PRTG: variants seen among roughly 807,000 people sequenced by gnomAD.
The protein encoded by PRTG is immunoglobulin superfamily, DCC subclass, member 5.
Under a neutral mutation model 122.5 loss-of-function variants are expected in PRTG, and 67 were observed. The ratio of observed to expected loss-of-function variants is 0.55; its 90% CI spans 0.45 to 0.67. The LOEUF is 0.67. Ranked by LOEUF, PRTG falls within the 30% of genes least tolerant of loss-of-function variation. The probability of loss-of-function intolerance (pLI) is 0.00; values close to 1 mark genes in which losing one functional copy is unlikely to be tolerated. For missense variants in PRTG, 1,435 were observed against 1,415.4 expected, an observed-to-expected ratio of 1.01 and a Z score of -0.22; for synonymous variants, 554 against 501.1, an observed-to-expected ratio of 1.11 and a Z score of -1.41.
intron 2 of PRTG, among the ~76,000 whole-genome samples, chr15:55,734,603 C>CAT (rs1191124620): frequency 6.6e-6 from 1 of 150,924 alleles, no homozygotes; most frequent in African/African-American, 2.4e-5. Flanking sequence ...ATATATATAA[C>CAT]ATATATATGT....
At chr15:55,718,629 A>C (rs1343826196) in intron 2 of PRTG, among the ~76,000 whole-genome samples, 3 of 62,110 alleles carry the variant, frequency 4.8e-5, no homozygotes, top group African/African-American at 7.0e-5. Context: ...AAAAACAAAC[A>C]AAAAAAAAAA....
At chr15:55,722,102 A>G (rs1234454485) in intron 2 of PRTG, among the ~76,000 whole-genome samples, 2 of 152,184 alleles carry the variant, frequency 1.3e-5, no homozygotes, top group African/African-American at 4.8e-5. Flanking sequence ...AAAGAGAGAG[A>G]TGAAGTCAAT....
intron 11 of PRTG, chr15:55,655,167 A>G (rs905564969): frequency 6.6e-6 from 1 of 152,252 alleles, no homozygotes; most frequent in African/African-American, 2.4e-5. Flanking sequence ...ACTCACTGCA[A>G]TAGATTTTAA....
chr15:55,681,167 T>C (rs777001330), intron 4 of PRTG: 1 of 152,166 alleles, frequency 6.6e-6, no homozygotes, highest in Non-Finnish European at 1.5e-5. Flanking sequence ...ATTCAGGTTA[T>C]TTTCCGTATC....
At position 55,628,913 on chromosome 15, in the gene PRTG, G is replaced by C. The variant is rs777172655; in HGVS notation, c.2715C>G (p.Pro905=). 1.2e-6 allele frequency: 2 copies of C among 1,613,978 alleles called. No individual in the cohort carries two copies. The highest frequency in any genetic ancestry group is 2.2e-5 in the East Asian group (1 of 44,884). ...ISASNEVGEG[P]FSNSVELAVL... ...CTGCCAGCTCCACAGAATTTGAAAA[G>C]GGTCCTTCTCCCACCTCATTGGATG... is the stretch of plus-strand genomic sequence containing the variant. Residue 905 remains proline (P), a synonymous_variant, in exon 16 of 20, where the codon CCC becomes CCG. Coordinates refer to ENST00000389286, the MANE Select transcript of PRTG (RefSeq NM_173814.6).
At chr15:55,644,075 G>A (rs2059307456) in intron 11 of PRTG, among the ~76,000 whole-genome samples, 1 of 152,098 alleles carries the variant, frequency 6.6e-6, no homozygotes, top group Non-Finnish European at 1.5e-5. Context: ...CTAGCCTCAA[G>A]CAATCCACCT....
rs1326728270 is a variant in PRTG at position 55,624,368 on chromosome 15, TGA to T, written c.3065_3066del (p.Ile1022AsnfsTer7). 17 of 1,613,998 alleles carry T rather than the reference TGA, an allele frequency of 1.1e-5. No homozygotes were observed. The African/African-American group carries it at 2.0e-4, about 19-fold the overall frequency. Reference protein sequence around the residue: ...VGNEESLMPMIMPNSFIDAKG... With the variant: ...VGNEESLMPMXMPNSFIDAKG... ...TTTGCATCAATGAAGCTGTTTGGCA[TGA>T]TCATTGGCATTAAAGATTCTTCATT... On this transcript the variant is annotated frameshift_variant, in exon 18 of 20. Transcript: ENST00000389286. LOFTEE classifies it high-confidence loss of function.
At chr15:55,637,517 A>G (rs191227693) in intron 14 of PRTG, among the ~76,000 whole-genome samples, 177 bp from the exon 15 acceptor site, 33 of 152,324 alleles carry the variant, frequency 2.2e-4, no homozygotes, top group African/African-American at 2.4e-5. Context: ...TTGTATTTTC[A>G]TAATACTCAA....
chr15:55,680,576 G>A lies in PRTG; in HGVS notation c.729C>T (p.Asn243=), dbSNP rs1567096771. 1.9e-6 allele frequency: 3 copies of A among 1,596,244 alleles called. No individual in the cohort carries two copies. Among genetic ancestry groups the A allele is most frequent in the South Asian group, 2.3e-5 (2 of 86,364 alleles). Residue 243 remains asparagine (N), a synonymous_variant, in exon 5 of 20, where the codon AAC becomes AAT. Transcript: ENST00000389286. ...HTPTIIAGPQ[N]ITTSLHQTVV... Reference sequence around the variant, plus strand: ...CAGTCTGATGAAGAGATGTTGTTATGTTCTGTGGACCTGCTATAATTGTTG... The same window carrying A: ...CAGTCTGATGAAGAGATGTTGTTATATTCTGTGGACCTGCTATAATTGTTG...
intron 11 of PRTG, among the ~76,000 whole-genome samples, chr15:55,660,370 G>A (rs1281806027): frequency 6.6e-6 from 1 of 151,926 alleles, no homozygotes; most frequent in African/African-American, 2.4e-5. Context: ...TTAAAAAAAA[G>A]AAAACCCCTC....
At chr15:55,629,128 G>T in intron 15 of PRTG, 124 bp from the exon 16 acceptor site, 1 of 541,314 alleles carries the variant, frequency 1.8e-6, no homozygotes, top group Non-Finnish European at 3.1e-6. Flanking sequence ...ACATATTGTA[G>T]AACATTTAGA....
At position 55,673,554 on chromosome 15, in the gene PRTG, G is replaced by A. The variant is rs1318387570; in HGVS notation, c.1669C>T (p.Arg557Cys). The A allele has an allele frequency of 5.6e-6, 9 of 1,614,170 alleles. No individual in the cohort carries two copies. Among genetic ancestry groups the A allele is most frequent in the African/African-American group, 1.3e-5 (1 of 75,038 alleles). ...GQVVLYRLSF[R>C]LSTENSIQVL... Reference sequence around the variant, plus strand: ...TGGATTGAATTCTCAGTACTTAGGCGGAAAGACAAGCGATACAGCACCACT... The same window carrying A: ...TGGATTGAATTCTCAGTACTTAGGCAGAAAGACAAGCGATACAGCACCACT... Residue 557 changes from arginine (R) to cysteine (C), a missense_variant, in exon 10 of 20, where the codon CGC (arginine) becomes TGC (cysteine). Transcript: ENST00000389286.
At chr15:55,732,146 C>T (rs1231008552) in intron 2 of PRTG, among the ~76,000 whole-genome samples, 2 of 152,132 alleles carry the variant, frequency 1.3e-5, no homozygotes, top group Non-Finnish European at 2.9e-5. Context: ...ATATGTGGTC[C>T]ATTGTTTGAC....
At chr15:55,648,655 G>A (rs1338605179) in intron 11 of PRTG, among the ~76,000 whole-genome samples, 1 of 152,176 alleles carries the variant, frequency 6.6e-6, no homozygotes. Flanking sequence ...CTGAGTATCT[G>A]ATGAATGAAC....
chr15:55,697,195 C>A (rs568904128), intron 2 of PRTG, among the ~76,000 whole-genome samples: 1 of 152,312 alleles, frequency 6.6e-6, no homozygotes, highest in Non-Finnish European at 1.5e-5. Flanking sequence ...TTCAGGAACT[C>A]TCTTATTAAT....
At chr15:55,728,817 T>C (rs948573118) in intron 2 of PRTG, among the ~76,000 whole-genome samples, 9 of 152,178 alleles carry the variant, frequency 5.9e-5, no homozygotes. Context: ...GTATCACTCA[T>C]AGATTATATG....
In PRTG at chr15:55,699,088, A is replaced by G. The variant is rs531523709; in HGVS notation, c.398-15157T>C. Among the ~76,000 whole-genome samples the G allele has an allele frequency of 9.2e-5, 14 of 152,230 alleles. No homozygotes were observed. The South Asian group carries it at 2.9e-3, about 32-fold the overall frequency. On this transcript the variant is annotated intron_variant, in intron 2 of 19. Coordinates refer to ENST00000389286, the MANE Select transcript of PRTG (RefSeq NM_173814.6). Reference sequence around the variant, plus strand: ...ACCCCAATCCACCTTCTAACTTTATATTATAGGATTTTTGGAGCTAATAGA... The same window carrying G: ...ACCCCAATCCACCTTCTAACTTTATGTTATAGGATTTTTGGAGCTAATAGA...
intron 11 of PRTG, among the ~76,000 whole-genome samples, chr15:55,658,366 A>G (rs1373620708): frequency 6.7e-6 from 1 of 148,622 alleles, no homozygotes; most frequent in African/African-American, 2.5e-5. Flanking sequence ...CCTAAGTTGG[A>G]GTGTAGTGGC....
chr15:55,624,261 A>G lies in PRTG; in HGVS notation c.3093+81T>C, dbSNP rs116750985. 1.7e-3 allele frequency: 2,203 copies of G among 1,282,602 alleles called. 27 individuals carry two copies. In the African/African-American group the frequency reaches 0.029, roughly 17 times the overall value. The allele number at this position is 1,282,602 out of a possible 1,614,324, so 79.5% of individuals were successfully genotyped here. A position where few individuals can be genotyped will look rare whatever the true frequency, so the allele number is the denominator to read the frequency against. Reference sequence around the variant, plus strand: ...ATTGGTATAATACATTCAACATACAATTTTGGGGGAAGTACATTTTACACA... The same window carrying G: ...ATTGGTATAATACATTCAACATACAGTTTTGGGGGAAGTACATTTTACACA... On this transcript the variant is annotated intron_variant, in intron 18 of 19. Transcript: ENST00000389286.
Sources: allele counts gnomAD v4.1 joint callset (sites outside exome capture counted in the v4.1 genomes callset), GRCh38; gene constraint gnomAD v4.1.1; transcripts MANE v1.5; gene names NCBI Gene and HGNC (gene_info 2026-07-23, HGNC 2026-07-21).